CEP112: variants seen among roughly 807,000 people sequenced by gnomAD.
The protein encoded by CEP112 is centrosomal protein 112.
Under a neutral mutation model 153.0 loss-of-function variants are expected in CEP112, and 127 were observed. The ratio of observed to expected loss-of-function variants is 0.83; its 90% CI spans 0.72 to 0.96. CEP112 has a LOEUF of 0.96. CEP112 is among the 40% of genes least tolerant of loss of function. The pLI, the probability that CEP112 is intolerant of heterozygous loss-of-function variation, is 0.00. For synonymous variants in CEP112, 358 were observed against 374.4 expected, an observed-to-expected ratio of 0.96 and a Z score of 0.51; for missense variants, 1,089 against 1,101.2, an observed-to-expected ratio of 0.99 and a Z score of 0.16.
chr17:65,840,500 G>A (rs955767968), intron 21 of CEP112, among the ~76,000 whole-genome samples: 1 of 151,998 alleles, frequency 6.6e-6, no homozygotes, highest in Non-Finnish European at 1.5e-5. Context: ...TACAAAAATT[G>A]AATCAACATG....
intron 4 of CEP112, among the ~76,000 whole-genome samples, chr17:66,137,518 T>G (rs2070490924): frequency 1.3e-5 from 2 of 152,094 alleles, no homozygotes; most frequent in South Asian, 4.1e-4. Context: ...CAGGACACAT[T>G]ATAATCAAAT....
At chr17:66,001,748 T>C (rs1284553872) in intron 17 of CEP112, among the ~76,000 whole-genome samples, 5 of 152,204 alleles carry the variant, frequency 3.3e-5, no homozygotes, top group African/African-American at 9.6e-5. Flanking sequence ...ACCAAACTTA[T>C]ACTATCCACA....
At chr17:65,806,541 TCCCCACATACTGGGG>T (rs937014959) in intron 21 of CEP112, among the ~76,000 whole-genome samples, 8 of 152,182 alleles carry the variant, frequency 5.3e-5, no homozygotes, top group Admixed American at 3.9e-4. Flanking sequence ...CAAATTGTAA[TCCCCACATACTGGGG>T]GAGGGCCCTG....
At chr17:65,729,916 CAAA>C (rs2050403842) in intron 23 of CEP112, among the ~76,000 whole-genome samples, 2 of 950 alleles carry the variant, frequency 2.1e-3, no homozygotes, top group South Asian at 0.2. Flanking sequence ...CTGTCTCAAA[CAAA>C]CAAACAAACA....
In CEP112 at chr17:66,188,286, AACACAC is replaced by A. The variant is rs59802008; in HGVS notation, c.-9+3705_-9+3710del. ...GCCTGTCTCTCACACCACACACACA[AACACAC>A]ACACACACACACACACACACACACA... On this transcript the variant is annotated intron_variant, in intron 1 of 26. Transcript: ENST00000535342. Among the ~76,000 whole-genome samples, 1,073 of 109,498 alleles carry A rather than the reference AACACAC, an allele frequency of 9.8e-3. 6 individuals carry two copies. The highest frequency in any genetic ancestry group is 0.016 in the African/African-American group (531 of 32,286). 71.8% of individuals were successfully genotyped at this position (109,498 alleles called of 152,430 possible). A position where few individuals can be genotyped will look rare whatever the true frequency, so the allele number is the denominator to read the frequency against.
At chr17:65,819,438 C>T (rs892950758) in intron 21 of CEP112, among the ~76,000 whole-genome samples, 3 of 151,898 alleles carry the variant, frequency 2.0e-5, no homozygotes, top group Admixed American at 1.3e-4. Flanking sequence ...GTAATTATTT[C>T]AGGTAAGATT....
chr17:66,066,761 T>C lies in CEP112; in HGVS notation c.955+17A>G. 9.7e-6 allele frequency: 14 copies of C among 1,437,740 alleles called. No individual in the cohort carries two copies. Among genetic ancestry groups the C allele is most frequent in the Non-Finnish European group, 1.1e-5 (12 of 1,075,698 alleles). 89.1% of individuals were successfully genotyped at this position (1,437,740 alleles called of 1,614,324 possible). On this transcript the variant is annotated intron_variant, in intron 10 of 26. Transcript: ENST00000535342. ...TGGAAATGTTATTAAAAGATGTATG[T>C]AACAACACAACATCACCTTTCTTTT... is the stretch of plus-strand genomic sequence containing the variant.
At chr17:65,994,171 A>G (rs561078121) in intron 17 of CEP112, among the ~76,000 whole-genome samples, 1 of 152,280 alleles carries the variant, frequency 6.6e-6, no homozygotes, top group African/African-American at 2.4e-5. Flanking sequence ...TAAACATCCT[A>G]ATCTGGGCAT....
chr17:65,863,958 A>G (rs1252949332), intron 20 of CEP112, among the ~76,000 whole-genome samples: 2 of 151,704 alleles, frequency 1.3e-5, no homozygotes, highest in Non-Finnish European at 2.9e-5. Flanking sequence ...CCTGGCCAAC[A>G]TGGTGAAACC....
At chr17:65,678,567 A>T (rs1317260660) in intron 24 of CEP112, among the ~76,000 whole-genome samples, 1 of 152,234 alleles carries the variant, frequency 6.6e-6, no homozygotes, top group Non-Finnish European at 1.5e-5. Context: ...CTAAGAATAG[A>T]AGATGAGACC....
intron 17 of CEP112, among the ~76,000 whole-genome samples, chr17:65,984,021 T>C (rs1211828916): frequency 6.6e-6 from 1 of 152,192 alleles, no homozygotes; most frequent in Non-Finnish European, 1.5e-5. Context: ...CTTAGCTTAT[T>C]TCAGTCTAGA....
chr17:65,908,701 A>AC (rs1007220390), intron 19 of CEP112, among the ~76,000 whole-genome samples: 25 of 151,362 alleles, frequency 1.7e-4, no homozygotes, highest in Non-Finnish European at 3.2e-4. Context: ...TCTCAAAAAA[A>AC]AAAAGAAAAA....
chr17:65,842,584 T>A (rs1204085782), intron 21 of CEP112, among the ~76,000 whole-genome samples: 2 of 152,138 alleles, frequency 1.3e-5, no homozygotes, highest in African/African-American at 4.8e-5. Flanking sequence ...CCTTTGAACA[T>A]GTAAATACTC....
rs985456063 is a variant in CEP112, at chr17:65,747,696, C to T, written c.2457+2966G>A. On this transcript the variant is annotated intron_variant, in intron 22 of 26. Transcript: ENST00000535342. Reference sequence around the variant, plus strand: ...TTCTGATGGAAATGATATTTGGGGGCGTGCCCAGAGATGATGCAAACACTG... The same window carrying T: ...TTCTGATGGAAATGATATTTGGGGGTGTGCCCAGAGATGATGCAAACACTG... 5.3e-5 allele frequency among the ~76,000 whole-genome samples: 8 copies of T among 152,058 alleles called. No individual in the cohort carries two copies. The East Asian group carries it at 5.8e-4, about 11-fold the overall frequency.
intron 21 of CEP112, among the ~76,000 whole-genome samples, chr17:65,782,836 A>G (rs1436927665): frequency 6.6e-6 from 1 of 152,030 alleles, no homozygotes; most frequent in Non-Finnish European, 1.5e-5. Flanking sequence ...AGAAGAGGGT[A>G]GGGGTGGGAA....
At chr17:65,962,736 T>C (rs1299640599) in intron 17 of CEP112, among the ~76,000 whole-genome samples, 1 of 112,142 alleles carries the variant, frequency 8.9e-6, no homozygotes, top group Non-Finnish European at 1.9e-5. Context: ...ATAGTGAGTC[T>C]AATGAGATCT....
chr17:66,166,550 T>G (rs1188414521), intron 4 of CEP112, among the ~76,000 whole-genome samples: 1 of 152,124 alleles, frequency 6.6e-6, no homozygotes, highest in Non-Finnish European at 1.5e-5. Context: ...ATTACTTTTG[T>G]GTTCTTTGAG....
chr17:66,129,692 T>C (rs554101146), intron 6 of CEP112, 54 bp downstream of exon 6: 4 of 1,215,212 alleles, frequency 3.3e-6, no homozygotes, highest in Non-Finnish European at 4.8e-6. Flanking sequence ...ATTATACACA[T>C]ACAATATGAT....
At chr17:65,638,631 C>T (rs2044911985) in intron 25 of CEP112, among the ~76,000 whole-genome samples, 1 of 152,206 alleles carries the variant, frequency 6.6e-6, no homozygotes, top group Non-Finnish European at 1.5e-5. Context: ...GCAGGGATTA[C>T]ACTGATTCAA....
Sources: allele counts gnomAD v4.1 joint callset (sites outside exome capture counted in the v4.1 genomes callset), GRCh38; gene constraint gnomAD v4.1.1; transcripts MANE v1.5; gene names NCBI Gene and HGNC (gene_info 2026-07-23, HGNC 2026-07-21).